Variants in NTRK2 observed in about 807,000 individuals in gnomAD.
NTRK2 encodes the protein neurotrophic receptor tyrosine kinase 2.
Under a neutral mutation model 94.5 loss-of-function variants are expected in NTRK2, and 13 were observed. The observed-to-expected ratio is 0.14, with a 90% CI of 0.09 to 0.22. NTRK2 has a LOEUF of 0.22. Among genes scored for constraint, NTRK2 ranks in the 10% least tolerant of loss-of-function variants. NTRK2 has a pLI of 1.00. For missense variants in NTRK2, 639 were observed against 1,071.2 expected, an observed-to-expected ratio of 0.60 and a Z score of 5.63; for synonymous variants, 372 against 407.4, an observed-to-expected ratio of 0.91 and a Z score of 1.05.
At chr9:84,810,485 A>G in intron 12 of NTRK2, 1 of 1,495,858 alleles carries the variant, frequency 6.7e-7, no homozygotes, top group South Asian at 1.2e-5. Flanking sequence ...TTGTATGTTA[A>G]TTTTCATTGA....
chr9:84,775,922 T>C (rs1588516330), intron 12 of NTRK2, among the ~76,000 whole-genome samples: 1 of 152,208 alleles, frequency 6.6e-6, no homozygotes, highest in African/African-American at 2.4e-5. Flanking sequence ...AGCCCTGATC[T>C]AGAGTACACA....
chr9:85,016,491 A>T (rs566374936), intron 17 of NTRK2, among the ~76,000 whole-genome samples: 2 of 152,304 alleles, frequency 1.3e-5, no homozygotes, highest in Non-Finnish European at 2.9e-5. Flanking sequence ...CTGGGATCAC[A>T]TTCCATCTCA....
chr9:84,873,486 C>T, intron 14 of NTRK2: 1 of 1,059,770 alleles, frequency 9.4e-7, no homozygotes, highest in East Asian at 5.1e-5. Context: ...CAATTCCTTC[C>T]CCCTCTCAGT....
intron 14 of NTRK2, among the ~76,000 whole-genome samples, chr9:84,868,131 A>G (rs554965482): frequency 2.0e-5 from 3 of 152,342 alleles, no homozygotes; most frequent in South Asian, 4.1e-4. Flanking sequence ...ACAACAAAAA[A>G]TAAACCCACA....
In NTRK2 at chr9:84,870,364, T is replaced by TATATATAA. The variant is rs1470777504; in HGVS notation, c.1633+2934_1633+2935insTATATAAA. Among the ~76,000 whole-genome samples, 96 of 131,676 alleles carry TATATATAA rather than the reference T, an allele frequency of 7.3e-4. 1 individual carries two copies. Among genetic ancestry groups the TATATATAA allele is most frequent in the East Asian group, 6.4e-3 (26 of 4,032 alleles). The allele number at this position is 131,676 out of a possible 152,430, so 86.4% of individuals were successfully genotyped here. A position where few individuals can be genotyped will look rare whatever the true frequency, so the allele number is the denominator to read the frequency against. ...ATATATATATATATATATATATATA[T>TATATATAA]AAAACTCTGTCACCCAGGCTGGAGT... On this transcript the variant is annotated intron_variant, in intron 14 of 18. Coordinates refer to ENST00000277120, the MANE Select transcript of NTRK2 (RefSeq NM_006180.6).
chr9:84,716,768 A>G (rs1001717633), intron 6 of NTRK2, among the ~76,000 whole-genome samples: 3 of 152,090 alleles, frequency 2.0e-5, no homozygotes, highest in Non-Finnish European at 4.4e-5. Flanking sequence ...TTTTTTTCTC[A>G]TCTGTCAACT....
intron 13 of NTRK2, among the ~76,000 whole-genome samples, chr9:84,864,814 C>A (rs1283053882): frequency 4.3e-5 from 6 of 138,424 alleles, no homozygotes; most frequent in African/African-American, 1.6e-4. Flanking sequence ...GATCTCAGCT[C>A]ACCACAACTT....
At chr9:84,678,902 G>A (rs2059222772) in intron 2 of NTRK2, among the ~76,000 whole-genome samples, 2 of 152,190 alleles carry the variant, frequency 1.3e-5, no homozygotes, top group Non-Finnish European at 2.9e-5. Flanking sequence ...TGGCTTGAAT[G>A]TTTGTATTCT....
chr9:84,833,579 CAGAA>C (rs966264730), intron 12 of NTRK2, among the ~76,000 whole-genome samples: 9 of 135,908 alleles, frequency 6.6e-5, no homozygotes, highest in African/African-American at 2.5e-4. Flanking sequence ...AGAGGAGAGA[CAGAA>C]GGAAAGAAAG....
chr9:85,022,075 A>T lies in NTRK2; in HGVS notation c.*638A>T, dbSNP rs199650034. ...TCTGTGAAGCCTTTATCTATGGGAG[A>T]TTAAAACCAGAGAGAAAGAAGATTT... is the stretch of plus-strand genomic sequence containing the variant. On this transcript the variant is annotated 3_prime_UTR_variant, in exon 19 of 19. Transcript: ENST00000277120. 1 of 233,376 alleles carries T rather than the reference A, an allele frequency of 4.3e-6. No individual in the cohort carries two copies. Among genetic ancestry groups the T allele is most frequent in the Non-Finnish European group, 8.5e-6 (1 of 118,240 alleles). 14.5% of individuals were successfully genotyped at this position (233,376 alleles called of 1,614,324 possible). A position where few individuals can be genotyped will look rare whatever the true frequency, so the allele number is the denominator to read the frequency against.
chr9:84,790,969 G>T (rs1184368392), intron 12 of NTRK2, among the ~76,000 whole-genome samples: 3 of 152,170 alleles, frequency 2.0e-5, no homozygotes, highest in African/African-American at 7.2e-5. Context: ...TGTGGCATTG[G>T]CCCCGTGGGC....
intron 12 of NTRK2, among the ~76,000 whole-genome samples, chr9:84,848,865 T>C (rs1181872759): frequency 6.6e-6 from 1 of 152,206 alleles, no homozygotes; most frequent in Admixed American, 6.5e-5. Flanking sequence ...ATATGAGACA[T>C]CATCTTTGGA....
intron 14 of NTRK2, among the ~76,000 whole-genome samples, chr9:84,897,982 C>A (rs542292264): frequency 1.3e-5 from 2 of 152,250 alleles, no homozygotes; most frequent in African/African-American, 4.8e-5. Flanking sequence ...GCACAGAACC[C>A]CCTTGATGTG....
At chr9:84,876,094 A>C in intron 14 of NTRK2, 11 of 1,034,506 alleles carry the variant, frequency 1.1e-5, no homozygotes, top group Non-Finnish European at 1.2e-5. Context: ...ATTAATTAAC[A>C]CATTTTTTAA....
chr9:84,758,619 G>A (rs767122702), intron 12 of NTRK2, among the ~76,000 whole-genome samples: 1 of 152,108 alleles, frequency 6.6e-6, no homozygotes, highest in African/African-American at 2.4e-5. Flanking sequence ...TCAAACTCCC[G>A]ACCTCAGGTG....
chr9:84,816,368 G>A (rs2072396019), intron 12 of NTRK2, among the ~76,000 whole-genome samples: 1 of 152,034 alleles, frequency 6.6e-6, no homozygotes, highest in Admixed American at 6.6e-5. Flanking sequence ...ATTTGAGCCT[G>A]CCATTCCCTT....
chr9:84,815,455 C>A, intron 12 of NTRK2: 1 of 1,042,730 alleles, frequency 9.6e-7, no homozygotes, highest in Non-Finnish European at 1.2e-6. Context: ...TTGAGTTTCA[C>A]GCACTTCATG....
rs75032516 is a variant in NTRK2 at position 84,854,326 on chromosome 9, C to T, written c.1397-6714C>T. Among the ~76,000 whole-genome samples the T allele has an allele frequency of 4.6e-3, 705 of 152,200 alleles. 13 individuals carry two copies. The highest frequency in any genetic ancestry group is 0.038 in the Admixed American group (576 of 15,284). On this transcript the variant is annotated intron_variant, in intron 12 of 18. Transcript: ENST00000277120. ...TGTATCCATTACAGACTTCCTACCTCTTTTTGTTTCACTTCTTGACTACTC... is the reference window on the plus strand; with the variant it reads ...TGTATCCATTACAGACTTCCTACCTTTTTTTGTTTCACTTCTTGACTACTC...
chr9:84,879,537 A>G (rs895168918), intron 14 of NTRK2, among the ~76,000 whole-genome samples: 3 of 152,122 alleles, frequency 2.0e-5, no homozygotes, highest in African/African-American at 7.2e-5. Context: ...GTATTTTCAC[A>G]TTAAAAAAAT....
Sources: allele counts gnomAD v4.1 joint callset (sites outside exome capture counted in the v4.1 genomes callset), GRCh38; gene constraint gnomAD v4.1.1; transcripts MANE v1.5; gene names NCBI Gene and HGNC (gene_info 2026-07-23, HGNC 2026-07-21).